The following EDIL3 variants were observed in gnomAD, a reference collection of about 807,000 sequenced individuals.
EDIL3 encodes the protein EGF like and discoidin domains 3.
In EDIL3, 37 loss-of-function variants were observed where a neutral mutation model predicts 67.4. The ratio of observed to expected loss-of-function variants is 0.55; its 90% confidence interval spans 0.42 to 0.72. EDIL3 has a LOEUF of 0.72. Ranked by LOEUF, EDIL3 falls within the 30% of genes least tolerant of loss-of-function variation. The pLI is 0.00. For synonymous variants in EDIL3, 195 were observed against 196.3 expected (o/e 0.99, Z 0.05); for missense variants, 527 against 586.3 (o/e 0.90, Z 1.04).
chr5:84,176,200 T>TATATATATATATATATATATATATATA (rs1748904481), intron 4 of EDIL3, among the ~76,000 whole-genome samples: 7 of 4,736 alleles, frequency 1.5e-3, no homozygotes, highest in South Asian at 7.4e-3. Context: ...ATATATATAA[T>TATATATATATATATATATATATATATA]ATATATATAT....
At chr5:84,371,437 A>G (rs867332757) in intron 1 of EDIL3, among the ~76,000 whole-genome samples, 54 of 56,750 alleles carry the variant, frequency 9.5e-4, no homozygotes, top group East Asian at 1.4e-3. Flanking sequence ...GTGTGTGTAT[A>G]TATATATATA....
At chr5:84,272,401 T>C (rs1410576495) in intron 1 of EDIL3, among the ~76,000 whole-genome samples, 2 of 152,070 alleles carry the variant, frequency 1.3e-5, no homozygotes, top group Non-Finnish European at 2.9e-5. Context: ...TACGCTAAAG[T>C]CCTTTTTCAA....
chr5:84,321,622 G>A (rs946575463), intron 1 of EDIL3, among the ~76,000 whole-genome samples: 3 of 152,088 alleles, frequency 2.0e-5, no homozygotes, highest in Non-Finnish European at 2.9e-5. Flanking sequence ...GGGATTAGAA[G>A]AGCAGCTTGC....
At chr5:83,987,708 A>G (rs1580266677) in intron 9 of EDIL3, among the ~76,000 whole-genome samples, 2 of 152,090 alleles carry the variant, frequency 1.3e-5, no homozygotes, top group South Asian at 4.1e-4. Context: ...CATTATATGC[A>G]GACTCATCAT....
At chr5:84,190,856 A>T (rs1206997123) in intron 3 of EDIL3, among the ~76,000 whole-genome samples, 1 of 151,894 alleles carries the variant, frequency 6.6e-6, no homozygotes, top group Non-Finnish European at 1.5e-5. Context: ...TTAGTTTTGC[A>T]TAGGAACCTT....
rs925137867 is a variant in EDIL3 at position 84,384,479 on chromosome 5, G to C, written c.-105C>G. ...AGCAGCAGACTCCGCCCCTACTAAA[G>C]AATTCAAGAAGACGTTCTCTTTCCT... On this transcript the variant is annotated 5_prime_UTR_variant, in exon 1 of 11. Transcript: ENST00000296591. The C allele has an allele frequency of 6.0e-5, 64 of 1,074,842 alleles. No individual in the cohort carries two copies. In the African/African-American group the frequency reaches 9.9e-4, roughly 17 times the overall value. 66.6% of individuals were successfully genotyped at this position (1,074,842 alleles called of 1,614,324 possible).
At chr5:84,042,061 T>C (rs1746135051) in intron 9 of EDIL3, among the ~76,000 whole-genome samples, 1 of 152,174 alleles carries the variant, frequency 6.6e-6, no homozygotes, top group Non-Finnish European at 1.5e-5. Context: ...AGTAATCATA[T>C]ACACCCAATG....
At chr5:84,072,439 A>T (rs1412639797) in intron 6 of EDIL3, among the ~76,000 whole-genome samples, 5 of 152,126 alleles carry the variant, frequency 3.3e-5, no homozygotes, top group Non-Finnish European at 7.4e-5. Flanking sequence ...CAAAAATAAA[A>T]ATGTTGGACT....
At chr5:84,337,901 G>A (rs1363647222) in intron 1 of EDIL3, among the ~76,000 whole-genome samples, 4 of 151,996 alleles carry the variant, frequency 2.6e-5, no homozygotes, top group Non-Finnish European at 4.4e-5. Flanking sequence ...AATAAAATCC[G>A]AGGTTATCAG....
intron 2 of EDIL3, among the ~76,000 whole-genome samples, chr5:84,233,042 T>C (rs1373706052): frequency 6.6e-6 from 1 of 152,192 alleles, no homozygotes; most frequent in Non-Finnish European, 1.5e-5. Context: ...CTATGGCACA[T>C]GTAGTCTCTT....
In EDIL3 at chr5:84,061,932, T is replaced by C. The variant is rs139838119; in HGVS notation, c.953-1448A>G. Among the ~76,000 whole-genome samples the C allele has an allele frequency of 2.5e-3, 387 of 152,222 alleles. 3 individuals carry two copies. Among genetic ancestry groups the C allele is most frequent in the African/African-American group, 8.9e-3 (372 of 41,568 alleles). ...TGCTTTAGAACTCTTCATTGATCAA[T>C]AACTCTTAGCTATAACTAATTGCCT... On this transcript the variant is annotated intron_variant, in intron 8 of 10. Transcript: ENST00000296591.
intron 1 of EDIL3, among the ~76,000 whole-genome samples, chr5:84,256,844 A>G (rs1745132178): frequency 1.3e-5 from 2 of 152,142 alleles, no homozygotes; most frequent in Admixed American, 1.3e-4. Context: ...GATTCTCTTG[A>G]CCCTTCATAG....
chr5:83,963,131 A>G (rs766352274), intron 10 of EDIL3, 74 bp downstream of exon 10: 2 of 1,488,484 alleles, frequency 1.3e-6, no homozygotes, highest in Admixed American at 4.5e-5. Context: ...ATGTATAAGC[A>G]GTTAATTCAA....
chr5:84,381,089 C>A (rs559850194), intron 1 of EDIL3, among the ~76,000 whole-genome samples: 2 of 151,886 alleles, frequency 1.3e-5, no homozygotes, highest in African/African-American at 4.8e-5. Flanking sequence ...ACTTCAAGAT[C>A]AAAGAAGGAA....
chr5:84,172,188 C>A (rs916575331), intron 4 of EDIL3, among the ~76,000 whole-genome samples: 1 of 152,114 alleles, frequency 6.6e-6, no homozygotes, highest in African/African-American at 2.4e-5. Context: ...GGAGACAAGT[C>A]CATTTTGGAA....
chr5:84,015,550 A>G (rs1310419907), intron 9 of EDIL3, among the ~76,000 whole-genome samples: 1 of 152,226 alleles, frequency 6.6e-6, no homozygotes, highest in South Asian at 2.1e-4. Flanking sequence ...ACAAAAGTGC[A>G]TATTTCCTCA....
intron 3 of EDIL3, among the ~76,000 whole-genome samples, chr5:84,204,421 A>G (rs1743914700): frequency 6.6e-6 from 1 of 152,198 alleles, no homozygotes; most frequent in Non-Finnish European, 1.5e-5. Flanking sequence ...AATAAAACTG[A>G]ATTTCTGCCA....
At chr5:84,269,479 A>G (rs574969859) in intron 1 of EDIL3, among the ~76,000 whole-genome samples, 2 of 152,282 alleles carry the variant, frequency 1.3e-5, no homozygotes, top group East Asian at 1.9e-4. Flanking sequence ...AATACTACTA[A>G]TAGTATATCA....
rs1554044710 is a variant in EDIL3 at position 84,371,341 on chromosome 5, A to ATGTG, written c.67+12963_67+12966dup. 7.9e-3 allele frequency among the ~76,000 whole-genome samples: 1,024 copies of ATGTG among 129,690 alleles called. 22 individuals carry two copies. The highest frequency in any genetic ancestry group is 0.027 in the African/African-American group (984 of 36,624). 85.1% of individuals were successfully genotyped at this position (129,690 alleles called of 152,430 possible). On this transcript the variant is annotated intron_variant, in intron 1 of 10. Coordinates refer to ENST00000296591, the MANE Select transcript of EDIL3 (RefSeq NM_005711.5). Reference sequence around the variant, plus strand: ...AAAGTATATATATATATATATATATATGTGTGTGTGTATATATATGTGTGT... The same window carrying ATGTG: ...AAAGTATATATATATATATATATATATGTGTGTGTGTGTGTATATATATGTGTGT...
Sources: allele counts gnomAD v4.1 joint callset (sites outside exome capture counted in the v4.1 genomes callset), GRCh38; gene constraint gnomAD v4.1.1; transcripts MANE v1.5; gene names NCBI Gene and HGNC (gene_info 2026-07-23, HGNC 2026-07-21).